The following EYS variants were observed in gnomAD, a reference collection of about 807,000 sequenced individuals.
EYS encodes the protein protein eyes shut homolog.
A neutral mutation model predicts 282.1 loss-of-function variants in EYS; 250 were observed. The observed-to-expected ratio is 0.89, with a 90% confidence interval of 0.80 to 0.98. EYS has a LOEUF of 0.98. Ranked by LOEUF, EYS falls within the 50% of genes least tolerant of loss-of-function variation. EYS has a pLI of 0.00. For synonymous variants in EYS, 1,355 were observed against 1,282.9 expected, an observed-to-expected ratio of 1.06 and a Z score of -1.20; for missense variants, 4,016 against 3,709.0, an observed-to-expected ratio of 1.08 and a Z score of -2.15.
chr6:65,425,020 T>C (rs1045669139), intron 5 of EYS, among the ~76,000 whole-genome samples: 2 of 152,078 alleles, frequency 1.3e-5, no homozygotes, highest in Admixed American at 1.3e-4. Flanking sequence ...AAAAATTGAA[T>C]GGCTAATATA....
chr6:64,805,043 G>C (rs891695474), intron 22 of EYS, among the ~76,000 whole-genome samples: 7 of 151,942 alleles, frequency 4.6e-5, no homozygotes, highest in African/African-American at 1.4e-4. Flanking sequence ...ATAATAATTA[G>C]ATGAACCATG....
intron 31 of EYS, among the ~76,000 whole-genome samples, chr6:64,100,382 CT>C (rs1772785302): frequency 1.3e-5 from 2 of 152,150 alleles, no homozygotes; most frequent in Admixed American, 1.3e-4. Context: ...TTTTGCCCTG[CT>C]TGTTTTTCAA....
chr6:64,982,515 T>C (rs1770712546), intron 14 of EYS, among the ~76,000 whole-genome samples: 1 of 151,248 alleles, frequency 6.6e-6, no homozygotes, highest in African/African-American at 2.4e-5. Flanking sequence ...TGGAAATATA[T>C]GAACAAAACC....
At chr6:64,436,297 G>C in intron 27 of EYS, 32 bp from the exon 28 acceptor site, 1 of 1,199,212 alleles carries the variant, frequency 8.3e-7, no homozygotes, top group Non-Finnish European at 1.2e-6. Flanking sequence ...TCCTCAAACA[G>C]TTTTTCAGCA....
intron 31 of EYS, among the ~76,000 whole-genome samples, chr6:64,197,080 C>G (rs147936963): frequency 7.2e-5 from 11 of 151,956 alleles, no homozygotes; most frequent in African/African-American, 2.7e-4. Context: ...TCACCTAGGT[C>G]TCAGGGCGTG....
intron 5 of EYS, among the ~76,000 whole-genome samples, chr6:65,421,652 C>T (rs12530104): frequency 0.034 from 5,213 of 151,954 alleles, 195 homozygotes; most frequent in East Asian, 0.12. Context: ...CATTAAGCTT[C>T]TTTCTACAAA....
At chr6:64,084,181 A>G (rs1055410471) in intron 31 of EYS, among the ~76,000 whole-genome samples, 2 of 152,202 alleles carry the variant, frequency 1.3e-5, no homozygotes, top group African/African-American at 4.8e-5. Flanking sequence ...GCATTTATTC[A>G]ATCTTTGGAA....
chr6:64,140,949 T>C (rs1774319924), intron 31 of EYS, among the ~76,000 whole-genome samples: 1 of 152,214 alleles, frequency 6.6e-6, no homozygotes, highest in African/African-American at 2.4e-5. Context: ...TCAACAACCT[T>C]GTTATTAACC....
chr6:65,418,144 A>G (rs551142313), intron 5 of EYS, among the ~76,000 whole-genome samples: 164 of 152,214 alleles, frequency 1.1e-3, no homozygotes, highest in Non-Finnish European at 2.0e-3. Flanking sequence ...GTTAGGCTAC[A>G]TGGGACTACG....
At chr6:63,981,465 G>T (rs893380722) in intron 35 of EYS, among the ~76,000 whole-genome samples, 4 of 151,836 alleles carry the variant, frequency 2.6e-5, no homozygotes, top group Non-Finnish European at 5.9e-5. Flanking sequence ...AGTCATAGCT[G>T]CCATGGAGCA....
At chr6:65,072,282 G>A (rs1172773741) in intron 12 of EYS, among the ~76,000 whole-genome samples, 2 of 151,706 alleles carry the variant, frequency 1.3e-5, no homozygotes, top group Non-Finnish European at 1.5e-5. Context: ...AGACAGAGAA[G>A]ACTAGACAAT....
chr6:64,118,535 A>G (rs984533817), intron 31 of EYS, among the ~76,000 whole-genome samples: 2 of 152,074 alleles, frequency 1.3e-5, no homozygotes, highest in African/African-American at 4.8e-5. Flanking sequence ...ACAAAACTGA[A>G]CTCAAAATGG....
chr6:65,578,417 C>T (rs1249342110), intron 2 of EYS, among the ~76,000 whole-genome samples: 1 of 151,598 alleles, frequency 6.6e-6, no homozygotes, highest in Non-Finnish European at 1.5e-5. Context: ...TTCATAGAAA[C>T]AGAGTAAAAT....
intron 12 of EYS, among the ~76,000 whole-genome samples, chr6:65,116,709 CA>C (rs1313326037): frequency 6.6e-6 from 1 of 151,678 alleles, no homozygotes; most frequent in Non-Finnish European, 1.5e-5. Flanking sequence ...AAAACAACAA[CA>C]AAAAAACAAA....
At chr6:63,935,360 C>T (rs1462288264) in intron 35 of EYS, among the ~76,000 whole-genome samples, 1 of 152,236 alleles carries the variant, frequency 6.6e-6, no homozygotes, top group Non-Finnish European at 1.5e-5. Flanking sequence ...CAGCACTTAT[C>T]TGTTATGAGC....
intron 22 of EYS, among the ~76,000 whole-genome samples, chr6:64,802,416 T>C (rs1000442403): frequency 2.6e-5 from 4 of 152,162 alleles, no homozygotes; most frequent in Admixed American, 1.3e-4. Context: ...CGTGTAATTC[T>C]TTATGTTCCA....
At chr6:65,127,795 G>A (rs1488304733) in intron 12 of EYS, among the ~76,000 whole-genome samples, 1 of 152,006 alleles carries the variant, frequency 6.6e-6, no homozygotes, top group Admixed American at 6.6e-5. Flanking sequence ...AAGAGCCAGG[G>A]TGATGGGCTA....
intron 35 of EYS, among the ~76,000 whole-genome samples, chr6:63,881,056 T>C (rs959677843): frequency 3.3e-5 from 5 of 152,136 alleles, no homozygotes; most frequent in South Asian, 4.1e-4. Context: ...TCTTTTACAA[T>C]AAATGGATAA....
At chr6:65,507,844 C>T (rs976219375) in intron 2 of EYS, among the ~76,000 whole-genome samples, 1 of 152,038 alleles carries the variant, frequency 6.6e-6, no homozygotes, top group African/African-American at 2.4e-5. Flanking sequence ...ATTCTGTCTT[C>T]CTTTTTTATT....
Sources: gnomAD v4.1 joint callset for allele counts (sites outside exome capture counted in the v4.1 genomes callset) on GRCh38, gnomAD v4.1.1 for gene constraint, MANE v1.5 for transcripts, NCBI Gene and HGNC (gene_info 2026-07-23, HGNC 2026-07-21) for gene names.